Variants in KANSL1 observed in about 807,000 individuals in gnomAD.
The protein encoded by KANSL1 is KAT8 regulatory NSL complex subunit 1, also known as MLL1/MLL complex subunit KANSL1.
A neutral mutation model predicts 103.6 loss-of-function variants in KANSL1; 22 were observed. That is an observed-to-expected ratio of 0.21 (90% CI 0.15 to 0.30). The LOEUF (loss-of-function observed/expected upper bound fraction) is 0.30. Among genes scored for constraint, KANSL1 ranks in the 10% least tolerant of loss-of-function variants. The pLI, the probability that KANSL1 is intolerant of heterozygous loss-of-function variation, is 1.00. For missense variants in KANSL1, 1,337 were observed against 1,399.8 expected (o/e 0.96, Z 0.72); for synonymous variants, 600 against 527.6 (o/e 1.14, Z -1.88).
intron 2 of KANSL1, among the ~76,000 whole-genome samples, chr17:46,102,812 A>C (rs993933574): frequency 5.3e-5 from 8 of 152,262 alleles, no homozygotes; most frequent in Non-Finnish European, 2.9e-5. Flanking sequence ...AACTGTGGCT[A>C]AAGTTTACAA....
chr17:46,146,256 T>C (rs1222121687), intron 2 of KANSL1, among the ~76,000 whole-genome samples: 1 of 152,190 alleles, frequency 6.6e-6, no homozygotes, highest in Non-Finnish European at 1.5e-5. Flanking sequence ...TCATGAGAAC[T>C]TTCACGCACT....
At chr17:46,200,465 G>A (rs1271970269) in intron 1 of KANSL1, among the ~76,000 whole-genome samples, 1 of 152,184 alleles carries the variant, frequency 6.6e-6, no homozygotes, top group Non-Finnish European at 1.5e-5. Context: ...TTTACAGGCT[G>A]GGTGCGGTAG....
chr17:46,210,956 G>C (rs1446158554), intron 1 of KANSL1, among the ~76,000 whole-genome samples: 1 of 152,122 alleles, frequency 6.6e-6, no homozygotes, highest in Non-Finnish European at 1.5e-5. Flanking sequence ...AATTCCAGAA[G>C]GGCACGCTTC....
chr17:46,149,820 G>A (rs2696581), intron 2 of KANSL1, among the ~76,000 whole-genome samples: 21,936 of 151,180 alleles, frequency 0.15, 2,145 homozygotes, highest in Non-Finnish European at 0.22. Context: ...ATCCTGGCTA[G>A]TAGTAGAGAT....
chr17:46,053,540 T>C (rs374081409), intron 6 of KANSL1, among the ~76,000 whole-genome samples: 11 of 151,988 alleles, frequency 7.2e-5, no homozygotes, highest in African/African-American at 2.7e-4. Context: ...CACACCATTC[T>C]CCTGCCTCAG....
chr17:46,133,972 T>G (rs150543950), intron 2 of KANSL1, among the ~76,000 whole-genome samples: 2 of 152,278 alleles, frequency 1.3e-5, no homozygotes, highest in Non-Finnish European at 2.9e-5. Flanking sequence ...TGTAGAAGAC[T>G]AGGAATGGGA....
intron 2 of KANSL1, among the ~76,000 whole-genome samples, chr17:46,113,350 T>C (rs1294447687): frequency 6.6e-6 from 1 of 152,242 alleles, no homozygotes; most frequent in African/African-American, 2.4e-5. Flanking sequence ...ATAGCTGTTA[T>C]GGTCTGTTAA....
At chr17:46,058,086 C>A (rs930248800) in intron 6 of KANSL1, among the ~76,000 whole-genome samples, 3 of 152,114 alleles carry the variant, frequency 2.0e-5, no homozygotes, top group African/African-American at 7.2e-5. Flanking sequence ...CTCACTAGAT[C>A]AGAATTCAGA....
At chr17:46,115,979 C>T in intron 2 of KANSL1, among the ~76,000 whole-genome samples, 1 of 152,172 alleles carries the variant, frequency 6.6e-6, no homozygotes, top group East Asian at 1.9e-4. Context: ...GGAAACGTTT[C>T]CATTTATGGC....
At chr17:46,089,765 T>C (rs1358424781) in intron 3 of KANSL1, among the ~76,000 whole-genome samples, 1 of 152,232 alleles carries the variant, frequency 6.6e-6, no homozygotes, top group Non-Finnish European at 1.5e-5. Flanking sequence ...TGTGTAACCA[T>C]GAACAAACTA....
chr17:46,191,086 C>G (rs1431076972), intron 1 of KANSL1, among the ~76,000 whole-genome samples: 1 of 152,106 alleles, frequency 6.6e-6, no homozygotes, highest in Non-Finnish European at 1.5e-5. Flanking sequence ...GAAAAAATGT[C>G]TAGTAACCTA....
chr17:46,192,651 C>A, intron 1 of KANSL1, 172 bp downstream of exon 1: 1 of 153,392 alleles, frequency 6.5e-6, no homozygotes, highest in Non-Finnish European at 1.5e-5. Flanking sequence ...AGCCCGGACC[C>A]GCAGCAGGGA....
chr17:46,128,350 A>G (rs2043676584), intron 2 of KANSL1, among the ~76,000 whole-genome samples: 1 of 152,192 alleles, frequency 6.6e-6, no homozygotes, highest in East Asian at 1.9e-4. Flanking sequence ...TGGATGCCTC[A>G]TATGTTTCAA....
intron 4 of KANSL1, among the ~76,000 whole-genome samples, chr17:46,079,872 G>A (rs1247388516): frequency 6.6e-6 from 1 of 152,136 alleles, no homozygotes; most frequent in Admixed American, 6.6e-5. Context: ...AGCTACTTGG[G>A]AAGCTGAGGT....
At chr17:46,091,521 T>A (rs1259139778) in intron 3 of KANSL1, among the ~76,000 whole-genome samples, 1 of 152,172 alleles carries the variant, frequency 6.6e-6, no homozygotes, top group East Asian at 1.9e-4. Flanking sequence ...CAGTTACCCT[T>A]CACCCACCGA....
chr17:46,099,192 C>T (rs1211727557), intron 2 of KANSL1, among the ~76,000 whole-genome samples: 1 of 144,552 alleles, frequency 6.9e-6, no homozygotes, highest in African/African-American at 2.5e-5. Context: ...GGCGTGATGG[C>T]GGGCGCCTGT....
At chr17:46,107,272 T>C (rs912729088) in intron 2 of KANSL1, among the ~76,000 whole-genome samples, 1 of 152,246 alleles carries the variant, frequency 6.6e-6, no homozygotes, top group Admixed American at 6.5e-5. Context: ...CATTTCTCTA[T>C]TTCTTTTTAC....
intron 1 of KANSL1, among the ~76,000 whole-genome samples, chr17:46,184,550 A>T (rs1490430770): frequency 6.6e-6 from 1 of 152,186 alleles, no homozygotes; most frequent in Non-Finnish European, 1.5e-5. Flanking sequence ...ACACACCATT[A>T]TCTGTCCCCT....
At chr17:46,151,543 C>T (rs896178780) in intron 2 of KANSL1, among the ~76,000 whole-genome samples, 5 of 152,198 alleles carry the variant, frequency 3.3e-5, no homozygotes, top group South Asian at 2.1e-4. Flanking sequence ...AACTAGCCTT[C>T]GGTCATTATT....
Sources: gnomAD v4.1 joint callset for allele counts (sites outside exome capture counted in the v4.1 genomes callset) on GRCh38, gnomAD v4.1.1 for gene constraint, MANE v1.5 for transcripts, NCBI Gene and HGNC (gene_info 2026-07-23, HGNC 2026-07-21) for gene names.